Variants in LRP2 observed in about 807,000 individuals in gnomAD.
LRP2 encodes the protein LDL receptor related protein 2.
In LRP2, 172 loss-of-function variants were observed where a neutral mutation model predicts 531.0. That is an observed-to-expected ratio of 0.32 (90% CI 0.29 to 0.37). The LOEUF (loss-of-function observed/expected upper bound fraction) is 0.37. Ranked by LOEUF, LRP2 falls within the 10% of genes least tolerant of loss-of-function variation. The pLI is 1.00. For synonymous variants in LRP2, 1,992 were observed against 2,027.6 expected, an observed-to-expected ratio of 0.98 and a Z score of 0.47; for missense variants, 5,167 against 5,868.3, an observed-to-expected ratio of 0.88 and a Z score of 3.90.
chr2:169,337,232 G>A lies in LRP2; in HGVS notation c.80-16348C>T, dbSNP rs181815170. Among the ~76,000 whole-genome samples, 129 of 152,258 alleles carry A rather than the reference G, an allele frequency of 8.5e-4. 1 individual carries two copies. Among genetic ancestry groups the A allele is most frequent in the Middle Eastern group, 3.4e-3 (1 of 294 alleles). On this transcript the variant is annotated intron_variant, in intron 1 of 78. Coordinates refer to ENST00000649046, the MANE Select transcript of LRP2 (RefSeq NM_004525.3). ...TTTGCACTTTCAGCAGAAAACAGAA[G>A]CCCTCCAAGGAATGAATTTTCTAAT...
In LRP2 at chr2:169,201,694, G is replaced by A. The variant is rs752903782; in HGVS notation, c.8386C>T (p.Arg2796Cys). The A allele has an allele frequency of 9.3e-6, 15 of 1,614,122 alleles. No individual in the cohort carries two copies. Among genetic ancestry groups the A allele is most frequent in the South Asian group, 6.6e-5 (6 of 91,076 alleles). The change falls in exon 44 of 79, where the codon CGT (arginine) becomes TGT (cysteine). Residue 2796 changes from arginine (R) to cysteine (C), a missense_variant. Transcript: ENST00000649046. The part of the protein sequence containing the change: ...FMCNNRRCIP[R>C]EFICNGVDNC... The stretch of plus-strand genomic sequence containing the variant: ...TCTACACCATTGCAGATAAACTCAC[G>A]AGGTATGCACCTTCTGTTATTGCAC...
rs757473852 is a variant in LRP2, at chr2:169,213,580, G to T, written c.6040+77C>A. 2.6e-4 allele frequency: 296 copies of T among 1,117,364 alleles called. 2 individuals carry two copies. The highest frequency in any genetic ancestry group is 1.2e-4 in the Admixed American group (7 of 59,276). 69.2% of individuals were successfully genotyped at this position (1,117,364 alleles called of 1,614,324 possible). The stretch of plus-strand genomic sequence containing the variant: ...TGTATGTACGTGAAACTGTGTGTGG[G>T]TGTGTGCTTACAAATGTGAGTTATG... On this transcript the variant is annotated intron_variant, in intron 36 of 78. Coordinates refer to ENST00000649046, the MANE Select transcript of LRP2 (RefSeq NM_004525.3).
chr2:169,193,686 C>G (rs1559007516), intron 47 of LRP2, 75 bp downstream of exon 47: 1 of 1,585,396 alleles, frequency 6.3e-7, no homozygotes, highest in Middle Eastern at 1.7e-4. Flanking sequence ...ATCATACTCT[C>G]CAAACACAGA....
intron 1 of LRP2, among the ~76,000 whole-genome samples, chr2:169,350,861 G>C (rs1685828946): frequency 6.6e-6 from 1 of 151,500 alleles, no homozygotes; most frequent in Admixed American, 6.6e-5. Flanking sequence ...TCAGGAACAA[G>C]ATCCATGAAT....
chr2:169,246,179 T>C (rs185407497), intron 21 of LRP2, among the ~76,000 whole-genome samples: 2 of 152,224 alleles, frequency 1.3e-5, no homozygotes, highest in African/African-American at 2.4e-5. Context: ...TCTGAGCTCA[T>C]CTATTTCTTT....
chr2:169,327,476 G>A (rs1398574105), intron 1 of LRP2, among the ~76,000 whole-genome samples: 2 of 124,352 alleles, frequency 1.6e-5, no homozygotes, highest in Admixed American at 7.5e-5. Context: ...GCCCCGTCTG[G>A]GAGGGAGGTG....
intron 7 of LRP2, among the ~76,000 whole-genome samples, chr2:169,291,724 C>A (rs1684003782): frequency 6.6e-6 from 1 of 152,184 alleles, no homozygotes; most frequent in African/African-American, 2.4e-5. Flanking sequence ...CAGCTCCAAC[C>A]CACGTGTTCC....
At chr2:169,220,772 T>C (rs140702773) in intron 33 of LRP2, among the ~76,000 whole-genome samples, 3 of 152,116 alleles carry the variant, frequency 2.0e-5, no homozygotes, top group African/African-American at 4.8e-5. Context: ...AGCAGCAAAA[T>C]CACCTCCCAA....
rs772314601 is a variant in LRP2 at position 169,294,183 on chromosome 2, T to C, written c.617A>G (p.Asn206Ser). Residue 206 changes from asparagine (N) to serine (S), a missense_variant, in exon 6 of 79, where the codon AAT (asparagine) becomes AGT (serine). This residue lies in a region of LRP2 where 2,811 missense variants were observed against 3,058.0 expected (regional missense o/e 0.92). Transcript: ENST00000649046. ...IPRAYVCDHD[N>S]DCQDGSDEHA... ...TTCGTCACTGCCGTCTTGGCAATCA[T>C]TGTCATGGTCACAGACATAAGCACG... 2 of 1,613,804 alleles carry C rather than the reference T, an allele frequency of 1.2e-6. No individual in the cohort carries two copies. The highest frequency in any genetic ancestry group is 1.7e-6 in the Non-Finnish European group (2 of 1,179,822).
At chr2:169,156,245 C>A in intron 65 of LRP2, 29 bp downstream of exon 65, 1 of 1,613,140 alleles carries the variant, frequency 6.2e-7, no homozygotes, top group South Asian at 1.1e-5. Flanking sequence ...CCCCAAAAGT[C>A]AATTAATCCC....
At chr2:169,338,477 C>A (rs1420000658) in intron 1 of LRP2, among the ~76,000 whole-genome samples, 1 of 151,502 alleles carries the variant, frequency 6.6e-6, no homozygotes, top group African/African-American at 2.4e-5. Context: ...AGGAAAAAGA[C>A]AAGACAAGAC....
Position 169,131,254 on chromosome 2 carries a change from AGTGTGTGTGTGTGTGTGT to A in LRP2, c.13728+1302_13728+1319del, listed in dbSNP as rs3835382. ...ATTTATGTATGTCTGTGAGTGTATG[AGTGTGTGTGTGTGTGTGT>A]GTGTGTGTGTGTGTGTGACATGAGA... On this transcript the variant is annotated intron_variant, in intron 77 of 78. Coordinates refer to ENST00000649046, the MANE Select transcript of LRP2 (RefSeq NM_004525.3). Among the ~76,000 whole-genome samples, 17 of 148,642 alleles carry A rather than the reference AGTGTGTGTGTGTGTGTGT, an allele frequency of 1.1e-4. No individual in the cohort carries two copies. The East Asian group carries it at 1.8e-3, about 16-fold the overall frequency.
intron 44 of LRP2, among the ~76,000 whole-genome samples, chr2:169,200,875 T>C (rs1263868106): frequency 3.9e-5 from 6 of 152,110 alleles, no homozygotes; most frequent in Admixed American, 3.3e-4. Context: ...GAAAGGATGA[T>C]GGGAGCTTCA....
At chr2:169,327,668 A>G (rs1276749651) in intron 1 of LRP2, among the ~76,000 whole-genome samples, 10 of 906 alleles carry the variant, frequency 0.011, no homozygotes, top group African/African-American at 0.037. Flanking sequence ...TGGGGGGCTC[A>G]GCCCCCTCCC....
At chr2:169,227,971 C>T (rs1689261442) in intron 31 of LRP2, among the ~76,000 whole-genome samples, 1 of 152,172 alleles carries the variant, frequency 6.6e-6, no homozygotes, top group African/African-American at 2.4e-5. Context: ...CCAGGCCCTT[C>T]TTCTCTCAGC....
intron 29 of LRP2, among the ~76,000 whole-genome samples, chr2:169,234,730 C>T (rs1031403544): frequency 2.6e-5 from 4 of 152,156 alleles, no homozygotes; most frequent in African/African-American, 9.7e-5. Context: ...AACTAATTTA[C>T]ACTCCCACCA....
intron 1 of LRP2, among the ~76,000 whole-genome samples, chr2:169,359,754 T>C (rs1041149926): frequency 6.6e-6 from 1 of 152,142 alleles, no homozygotes; most frequent in Admixed American, 6.5e-5. Context: ...GAGTTGCATA[T>C]TGCCCCTCAG....
Position 169,258,364 on chromosome 2 carries a change from G to A in LRP2, c.2513+661C>T, listed in dbSNP as rs1276878393. ...AAGCTGATGAGATTATATATCTAAC[G>A]GAAGAACAGGTATGGATGTTCCCTG... is the stretch of plus-strand genomic sequence containing the variant. On this transcript the variant is annotated intron_variant, in intron 17 of 78. Coordinates refer to ENST00000649046, the MANE Select transcript of LRP2 (RefSeq NM_004525.3). Among the ~76,000 whole-genome samples the A allele has an allele frequency of 2.6e-5, 4 of 152,068 alleles. No homozygotes were observed. In the East Asian group the frequency reaches 5.8e-4, roughly 22 times the overall value.
chr2:169,213,807 A>G lies in LRP2; in HGVS notation c.5890T>C (p.Trp1964Arg), dbSNP rs755416437. The G allele has an allele frequency of 6.2e-7, 1 of 1,613,704 alleles. No individual in the cohort carries two copies. Among genetic ancestry groups the G allele is most frequent in the Non-Finnish European group, 8.5e-7 (1 of 1,179,690 alleles). The change falls in exon 36 of 79, where the codon TGG becomes CGG. Residue 1964 changes from tryptophan (W) to arginine (R), a missense_variant. Coordinates refer to ENST00000649046, the MANE Select transcript of LRP2 (RefSeq NM_004525.3). ...MILVHQLSHP[W>R]GIAVHDSFLY... Reference sequence around the variant, plus strand: ...AAAGAATCATGGACTGCAATTCCCCAGGGGTGGGAAAGCTGGTGTACCAGG... The same window carrying G: ...AAAGAATCATGGACTGCAATTCCCCGGGGGTGGGAAAGCTGGTGTACCAGG...
Sources: gnomAD v4.1 joint callset for allele counts (sites outside exome capture counted in the v4.1 genomes callset) on GRCh38, gnomAD v4.1.1 for gene constraint, gnomAD v4.1.1 regional missense constraint, MANE v1.5 for transcripts, NCBI Gene and HGNC (gene_info 2026-07-23, HGNC 2026-07-21) for gene names.